Variants in COCH observed in about 807,000 individuals in gnomAD.
COCH encodes coagulation factor C homolog, cochlin (Limulus polyphemus).
COCH carries 40 observed loss-of-function variants against 54.8 expected under a neutral mutation model. That is an observed-to-expected ratio of 0.73 (90% CI 0.57 to 0.95). The LOEUF (loss-of-function observed/expected upper bound fraction) is 0.95, where lower values mean the gene tolerates loss of function less well. Among genes scored for constraint, COCH ranks in the 40% least tolerant of loss-of-function variants. The pLI is 0.00. For synonymous variants in COCH, 256 were observed against 237.9 expected, an observed-to-expected ratio of 1.08 and a Z score of -0.70; for missense variants, 605 against 675.0, an observed-to-expected ratio of 0.90 and a Z score of 1.15.
At chr14:30,883,645 G>A (rs943465983) in intron 8 of COCH, among the ~76,000 whole-genome samples, 2 of 152,104 alleles carry the variant, frequency 1.3e-5, no homozygotes, top group South Asian at 2.1e-4. Flanking sequence ...TGAATAAAAT[G>A]GCTACTGATA....
At chr14:30,885,685 G>C (rs1895763277) in intron 10 of COCH, 65 bp downstream of exon 10, 2 of 1,486,986 alleles carry the variant, frequency 1.3e-6, no homozygotes, top group African/African-American at 1.4e-5. Context: ...TCTAAGTGCA[G>C]TGCTGACTGC....
intron 11 of COCH, chr14:30,889,088 A>G (rs1406045978): frequency 1.3e-5 from 2 of 153,994 alleles, no homozygotes; most frequent in African/African-American, 4.8e-5. Flanking sequence ...TCATTATCAG[A>G]GGACTAGTCA....
chr14:30,878,866 G>A lies in COCH; in HGVS notation c.295G>A (p.Glu99Lys). Residue 99 changes from glutamate (E) to lysine (K), a missense_variant, in exon 5 of 12, where the codon GAA becomes AAA. Transcript: ENST00000396618. ...PVRVYSLPGRENYSSVDANGI... is the reference protein window; with the variant it reads ...PVRVYSLPGRKNYSSVDANGI... The stretch of plus-strand genomic sequence containing the variant: ...ACGAGTCTATAGCCTACCTGGTCGA[G>A]AAAACTATTCCTCAGTAGATGCCAA... 1 of 1,614,192 alleles carries A rather than the reference G, an allele frequency of 6.2e-7. No individual in the cohort carries two copies. Among genetic ancestry groups the A allele is most frequent in the African/African-American group, 1.3e-5 (1 of 75,048 alleles).
downstream of COCH, among the ~76,000 whole-genome samples, chr14:30,892,039 T>C (rs1302908788): frequency 6.6e-6 from 1 of 152,100 alleles, no homozygotes; most frequent in Admixed American, 6.6e-5. Context: ...AAAAACAACA[T>C]GAAATGAGAG....
At chr14:30,882,410 G>C (rs570239297) in intron 8 of COCH, among the ~76,000 whole-genome samples, 1 of 152,142 alleles carries the variant, frequency 6.6e-6, no homozygotes, top group East Asian at 1.9e-4. Context: ...GATTACAGGT[G>C]TGAGCTACCA....
intron 8 of COCH, among the ~76,000 whole-genome samples, chr14:30,882,518 T>G (rs993943670): frequency 2.0e-5 from 3 of 151,596 alleles, no homozygotes; most frequent in African/African-American, 7.3e-5. Flanking sequence ...TTTTTCATCC[T>G]TTAGTATTTT....
Position 30,877,435 on chromosome 14 carries a change from G to C in COCH, c.83-137G>C. ...TGCCAAAATCTGGAATGGTATGGAA[G>C]GGTATATAAGTCAATAGTCATAACT... On this transcript the variant is annotated intron_variant, in intron 3 of 11. Coordinates refer to ENST00000396618, the MANE Select transcript of COCH (RefSeq NM_004086.3). This position sits in a 1 kb window ranked among gnomAD's most constrained non-coding sequence, Gnocchi z 8.6. 9.3e-7 allele frequency: 1 copy of C among 1,080,196 alleles called. No individual in the cohort carries two copies. Among genetic ancestry groups the C allele is most frequent in the Non-Finnish European group, 1.3e-6 (1 of 743,424 alleles). 66.9% of individuals were successfully genotyped at this position (1,080,196 alleles called of 1,614,324 possible). A position where few individuals can be genotyped will look rare whatever the true frequency, so the allele number is the denominator to read the frequency against.
chr14:30,888,783 CCTGT>C (rs1426335348), intron 11 of COCH, among the ~76,000 whole-genome samples: 12 of 147,114 alleles, frequency 8.2e-5, no homozygotes, highest in Non-Finnish European at 1.5e-4. Context: ...AGAGCCAGAC[CCTGT>C]CTGAGAAAAA....
intron 8 of COCH, among the ~76,000 whole-genome samples, chr14:30,884,252 T>G (rs1204959710): frequency 6.6e-6 from 1 of 152,252 alleles, no homozygotes; most frequent in Non-Finnish European, 1.5e-5. Context: ...GTTTCTTCAT[T>G]TACATAATTG....
intron 3 of COCH, among the ~76,000 whole-genome samples, chr14:30,876,888 T>C (rs1208641860): frequency 1.3e-5 from 2 of 152,044 alleles, no homozygotes; most frequent in Non-Finnish European, 2.9e-5. Flanking sequence ...AAGCTTGAAC[T>C]CCCGGGCTCA....
chr14:30,884,427 T>C (rs566521113), intron 8 of COCH, 126 bp from the exon 9 acceptor site: 7 of 690,388 alleles, frequency 1.0e-5, no homozygotes, highest in South Asian at 6.6e-5. Flanking sequence ...CAGTTGACTA[T>C]GTACTATGGA....
chr14:30,885,338 GA>G, intron 9 of COCH, 55 bp from the exon 10 acceptor site: 2 of 1,404,474 alleles, frequency 1.4e-6, no homozygotes, highest in Non-Finnish European at 2.0e-6. Context: ...CAGGGAAACA[GA>G]AATGTGGTTT....
intron 11 of COCH, among the ~76,000 whole-genome samples, chr14:30,887,403 A>C (rs1223178037): frequency 6.6e-6 from 1 of 151,696 alleles, no homozygotes; most frequent in Non-Finnish European, 1.5e-5. Flanking sequence ...CAAAAAGAAA[A>C]AAAAAAAAAA....
chr14:30,875,488 G>C, intron 3 of COCH: 1 of 517,878 alleles, frequency 1.9e-6, no homozygotes, highest in Non-Finnish European at 3.4e-6. Context: ...TTTGGGGGTG[G>C]AGGAGAAGCC....
In COCH at chr14:30,890,512, T is replaced by C. The variant is rs1012593209; in HGVS notation, c.*721T>C. On this transcript the variant is annotated 3_prime_UTR_variant, in exon 12 of 12. Transcript: ENST00000396618. ...TTAAAAGTTAAGTTGGTAAAGTATT[T>C]ACTGACTGCTTATAAACATTTAAAG... 1.7e-5 allele frequency: 16 copies of C among 926,506 alleles called. No homozygotes were observed. Among genetic ancestry groups the C allele is most frequent in the Non-Finnish European group, 2.1e-5 (16 of 776,466 alleles). 57.4% of individuals were successfully genotyped at this position (926,506 alleles called of 1,614,324 possible).
chr14:30,881,168 T>C (rs1440437430), intron 8 of COCH, among the ~76,000 whole-genome samples: 2 of 148,322 alleles, frequency 1.3e-5, no homozygotes, highest in East Asian at 2.0e-4. Context: ...TGAGCCGAGA[T>C]TGCACCACTG....
In COCH at chr14:30,884,764, G is replaced by T. The variant is rs1895723988; in HGVS notation, c.733+108G>T. On this transcript the variant is annotated intron_variant, in intron 9 of 11. Transcript: ENST00000396618. ...ATATGAGCAGATGTGAAATCCTCCT[G>T]GAACTGAAATCTTGGCTAGGTCTGC... 6.2e-6 allele frequency: 8 copies of T among 1,283,698 alleles called. No homozygotes were observed. In the South Asian group the frequency reaches 1.0e-4, roughly 17 times the overall value. The allele number at this position is 1,283,698 out of a possible 1,614,324, so 79.5% of individuals were successfully genotyped here. A position where few individuals can be genotyped will look rare whatever the true frequency, so the allele number is the denominator to read the frequency against.
downstream of COCH, among the ~76,000 whole-genome samples, chr14:30,891,238 C>T (rs28362789): frequency 7.1e-6 from 1 of 141,426 alleles, no homozygotes; most frequent in African/African-American, 2.8e-5. Flanking sequence ...ATCAGGACTC[C>T]CTTAATGTGA....
chr14:30,885,121 T>A (rs989061391), intron 9 of COCH: 11 of 1,535,598 alleles, frequency 7.2e-6, no homozygotes, highest in African/African-American at 1.4e-5. Context: ...TAACTGGCGA[T>A]TGATGTGGGG....
Sources: gnomAD v4.1 joint callset for allele counts (sites outside exome capture counted in the v4.1 genomes callset) on GRCh38, gnomAD v4.1.1 for gene constraint, Gnocchi (gnomAD v3.1) non-coding constraint, MANE v1.5 for transcripts, NCBI Gene and HGNC (gene_info 2026-07-23, HGNC 2026-07-21) for gene names.